Variants in C11orf65 observed in about 807,000 individuals in gnomAD.
The protein encoded by C11orf65 is chromosome 11 open reading frame 65.
A neutral mutation model predicts 35.3 loss-of-function variants in C11orf65; 38 were observed. The observed-to-expected ratio is 1.08, with a 90% CI of 0.83 to 1.41. C11orf65 has a LOEUF of 1.41. Among genes scored for constraint, C11orf65 ranks in the 40% most tolerant of loss-of-function variants. C11orf65 has a pLI of 0.00. For missense variants in C11orf65, 370 were observed against 367.1 expected (o/e 1.01, Z -0.06); for synonymous variants, 105 against 114.4 (o/e 0.92, Z 0.53).
At chr11:108,325,056 T>G (rs573183018) in intron 6 of C11orf65, among the ~76,000 whole-genome samples, 3 of 152,292 alleles carry the variant, frequency 2.0e-5, no homozygotes, top group Non-Finnish European at 4.4e-5. Context: ...TGTCAGAGTA[T>G]TAAAAATTTT....
chr11:108,318,053 A>G (rs990491661), intron 6 of C11orf65, among the ~76,000 whole-genome samples: 8 of 152,000 alleles, frequency 5.3e-5, no homozygotes, highest in Non-Finnish European at 1.0e-4. Flanking sequence ...TATTTATGAA[A>G]TATTTTCTTT....
chr11:108,326,163 CAG>C lies in C11orf65; in HGVS notation c.641-17094_641-17093del, dbSNP rs878853535. The stretch of plus-strand genomic sequence containing the variant: ...ACAAGTATTCTGGGCAAAAAAGGAG[CAG>C]AGTCTTGCCCTGAGTATTCTCAAGC... On this transcript the variant is annotated intron_variant, in intron 6 of 6. Coordinates refer to the C11orf65 transcript ENST00000525729. The C allele has an allele frequency of 5.6e-6, 9 of 1,614,120 alleles. No homozygotes were observed. The highest frequency in any genetic ancestry group is 7.6e-6 in the Non-Finnish European group (9 of 1,180,016).
chr11:108,331,693 T>A, intron 3 of C11orf65: 1 of 1,333,616 alleles, frequency 7.5e-7, no homozygotes, highest in Non-Finnish European at 1.0e-6. Context: ...TCACATCACA[T>A]AAGTTACTCA....
intron 6 of C11orf65, chr11:108,310,380 A>G: frequency 6.8e-7 from 1 of 1,479,054 alleles, no homozygotes; most frequent in Non-Finnish European, 9.3e-7. Flanking sequence ...AAGGGTATAT[A>G]GTAAAGATTT....
At chr11:108,469,082 G>A (rs1292783499), upstream of C11orf65, among the ~76,000 whole-genome samples, 4 of 151,632 alleles carry the variant, frequency 2.6e-5, no homozygotes, top group South Asian at 4.2e-4. Flanking sequence ...CTGGTGGCGC[G>A]CTGCCTGTAG....
At chr11:108,418,915 A>C (rs1179885234) in intron 3 of C11orf65, among the ~76,000 whole-genome samples, 2 of 152,190 alleles carry the variant, frequency 1.3e-5, no homozygotes, top group Non-Finnish European at 2.9e-5. Flanking sequence ...TCCTAGAAAA[A>C]TACAACTTAT....
intron 3 of C11orf65, among the ~76,000 whole-genome samples, chr11:108,428,058 T>C (rs1398304216): frequency 6.6e-6 from 1 of 151,650 alleles, no homozygotes; most frequent in African/African-American, 2.4e-5. Context: ...CTCGATCTCC[T>C]GACCTCGTGA....
intron 3 of C11orf65, among the ~76,000 whole-genome samples, chr11:108,424,153 C>T (rs2092864394): frequency 6.6e-6 from 1 of 151,946 alleles, no homozygotes; most frequent in Non-Finnish European, 1.5e-5. Flanking sequence ...AGCTAAGAAC[C>T]TTAAAAAGAG....
chr11:108,417,405 G>A (rs1165256853), intron 3 of C11orf65, among the ~76,000 whole-genome samples: 2 of 151,960 alleles, frequency 1.3e-5, no homozygotes, highest in Non-Finnish European at 1.5e-5. Context: ...TTAGCCGGGC[G>A]TGGTGGCACA....
chr11:108,464,806 T>C (rs113921297), intron 1 of C11orf65, among the ~76,000 whole-genome samples: 1 of 152,148 alleles, frequency 6.6e-6, no homozygotes, highest in African/African-American at 2.4e-5. Context: ...TTTTATGCTG[T>C]TGGTATTTTT....
chr11:108,336,525 A>C (rs1418449877), intron 2 of C11orf65: 1 of 156,582 alleles, frequency 6.4e-6, no homozygotes, highest in Non-Finnish European at 1.4e-5. Context: ...TAACAGCTGC[A>C]TTGTGTGTAT....
intron 2 of C11orf65, among the ~76,000 whole-genome samples, chr11:108,435,597 G>A (rs1218218590): frequency 6.6e-6 from 1 of 152,060 alleles, no homozygotes; most frequent in African/African-American, 2.4e-5. Context: ...ACCACAACCA[G>A]CTGAAGTGCT....
In C11orf65 at chr11:108,445,817, C is replaced by T. The variant is rs1453397586; in HGVS notation, c.82-13979G>A. Among the ~76,000 whole-genome samples, 7 of 152,042 alleles carry T rather than the reference C, an allele frequency of 4.6e-5. No homozygotes were observed. In the South Asian group the frequency reaches 6.2e-4, roughly 14 times the overall value. On this transcript the variant is annotated intron_variant, in intron 2 of 8. Transcript: ENST00000393084. ...GAGAAGAAGGCTTCAGACGATCAAA[C>T]GACTCCGAGCTACAGGAGGAAATTC...
downstream of C11orf65, chr11:108,328,881 A>G (rs2136404473): frequency 9.5e-6 from 9 of 949,006 alleles, no homozygotes; most frequent in South Asian, 1.5e-4. Context: ...GGGTTGGACA[A>G]GTTTGCAATA....
downstream of C11orf65, chr11:108,382,665 G>T: frequency 1.9e-6 from 1 of 514,786 alleles, no homozygotes; most frequent in Non-Finnish European, 2.5e-6. Context: ...AGGCACACTA[G>T]GATATGGGAT....
rs201811235 is a variant in C11orf65 at position 108,431,742 on chromosome 11, T to G, written c.174+4A>C. The G allele has an allele frequency of 4.2e-6, 6 of 1,427,304 alleles. No homozygotes were observed. Among genetic ancestry groups the G allele is most frequent in the Non-Finnish European group, 5.7e-6 (6 of 1,050,354 alleles). The allele number at this position is 1,427,304 out of a possible 1,614,324, so 88.4% of individuals were successfully genotyped here. A position where few individuals can be genotyped will look rare whatever the true frequency, so the allele number is the denominator to read the frequency against. ...GATGCTATATCAATAAGTAATGTCC[T>G]TACCTCTTTGGGATTAATATATTTC... On this transcript the variant is annotated splice_donor_region_variant and intron_variant, in intron 3 of 8. Coordinates refer to ENST00000393084, the MANE Select transcript of C11orf65 (RefSeq NM_152587.5).
intron 2 of C11orf65, among the ~76,000 whole-genome samples, chr11:108,460,343 G>A (rs909189682): frequency 7.9e-5 from 12 of 152,026 alleles, no homozygotes; most frequent in East Asian, 7.7e-4. Flanking sequence ...AAAAGAGTGA[G>A]GTCATTTTAC....
chr11:108,342,366 CACAT>C (rs1442549642), intron 2 of C11orf65, among the ~76,000 whole-genome samples: 4 of 152,044 alleles, frequency 2.6e-5, no homozygotes, highest in Admixed American at 1.3e-4. Context: ...TAAATATGCT[CACAT>C]AGTTAGGATA....
At chr11:108,418,760 C>G (rs1012169094) in intron 3 of C11orf65, among the ~76,000 whole-genome samples, 10 of 151,324 alleles carry the variant, frequency 6.6e-5, no homozygotes, top group African/African-American at 2.4e-4. Context: ...AAAGAGACTG[C>G]TCAAGAAAAA....
Sources: allele counts gnomAD v4.1 joint callset (sites outside exome capture counted in the v4.1 genomes callset), GRCh38; gene constraint gnomAD v4.1.1; transcripts MANE v1.5; gene names NCBI Gene and HGNC (gene_info 2026-07-23, HGNC 2026-07-21).